Variants in VOPP1 observed in about 807,000 individuals in gnomAD.
The protein encoded by VOPP1 is VOPP1 WW domain binding protein, also known as WW domain binding protein VOPP1.
In VOPP1, 8 loss-of-function variants were observed where a neutral mutation model predicts 23.5. The observed-to-expected ratio is 0.34, with a 90% confidence interval of 0.20 to 0.61. The LOEUF is 0.61. Ranked by LOEUF, VOPP1 falls within the 20% of genes least tolerant of loss-of-function variation. The pLI is 0.78. For synonymous variants in VOPP1, 83 were observed against 97.3 expected, an observed-to-expected ratio of 0.85 and a Z score of 0.86; for missense variants, 174 against 238.1, an observed-to-expected ratio of 0.73 and a Z score of 1.77.
At chr7:55,440,745 C>T (rs1203929622) in intron 4 of VOPP1, among the ~76,000 whole-genome samples, 4 of 152,224 alleles carry the variant, frequency 2.6e-5, no homozygotes, top group Non-Finnish European at 5.9e-5. Context: ...AGACCTGCTG[C>T]CCCCATAGCC....
chr7:55,495,903 C>G (rs142619699), intron 3 of VOPP1, among the ~76,000 whole-genome samples: 1,673 of 152,330 alleles, frequency 0.011, 11 homozygotes, highest in Middle Eastern at 0.02. Flanking sequence ...CTCAGATCTT[C>G]CAACAGCCTG....
chr7:55,455,820 T>C (rs1296684317), intron 4 of VOPP1, among the ~76,000 whole-genome samples: 1 of 152,184 alleles, frequency 6.6e-6, no homozygotes, highest in Non-Finnish European at 1.5e-5. Flanking sequence ...GATTAAATAC[T>C]TAAACGTAAG....
intron 1 of VOPP1, among the ~76,000 whole-genome samples, chr7:55,526,285 G>A (rs1253524294): frequency 2.0e-5 from 3 of 152,244 alleles, no homozygotes; most frequent in Non-Finnish European, 2.9e-5. Flanking sequence ...CTGGACGCCC[G>A]TGGTTCAAGG....
intron 4 of VOPP1, among the ~76,000 whole-genome samples, chr7:55,483,246 C>T (rs979824904): frequency 2.0e-5 from 3 of 152,156 alleles, no homozygotes; most frequent in East Asian, 1.9e-4. Context: ...CCTGACTCAG[C>T]GGCTCTGGGT....
intron 4 of VOPP1, among the ~76,000 whole-genome samples, chr7:55,490,672 A>G (rs1793502126): frequency 6.6e-6 from 1 of 152,198 alleles, no homozygotes; most frequent in Non-Finnish European, 1.5e-5. Flanking sequence ...GGCGGCTTTC[A>G]TCTCTCATTT....
intron 3 of VOPP1, among the ~76,000 whole-genome samples, chr7:55,495,839 C>T (rs530636718): frequency 1.3e-5 from 2 of 152,326 alleles, no homozygotes; most frequent in South Asian, 2.1e-4. Flanking sequence ...AGCTTGGAAC[C>T]CTGTGTCGGA....
At chr7:55,438,222 CTT>C (rs1320936385) in intron 4 of VOPP1, among the ~76,000 whole-genome samples, 4 of 151,968 alleles carry the variant, frequency 2.6e-5, no homozygotes, top group Non-Finnish European at 4.4e-5. Context: ...GTTTTGGTGT[CTT>C]ATCTCTCCGA....
chr7:55,498,391 AG>A (rs1340479514), intron 2 of VOPP1, among the ~76,000 whole-genome samples: 1 of 152,048 alleles, frequency 6.6e-6, no homozygotes, highest in Non-Finnish European at 1.5e-5. Context: ...CACAGCTCTC[AG>A]GGGTGTGCTC....
At chr7:55,469,542 G>A (rs564335597), downstream of VOPP1, among the ~76,000 whole-genome samples, 5 of 152,266 alleles carry the variant, frequency 3.3e-5, no homozygotes, top group South Asian at 2.1e-4. Flanking sequence ...ATTTGTCGGC[G>A]CCCTGCCTGA....
At chr7:55,502,494 T>C (rs991334003) in intron 2 of VOPP1, among the ~76,000 whole-genome samples, 13 of 152,222 alleles carry the variant, frequency 8.5e-5, no homozygotes, top group Admixed American at 1.3e-4. Flanking sequence ...CCGGCTCCCA[T>C]TGTGGATGCT....
At chr7:55,529,779 T>C (rs1796395570) in intron 1 of VOPP1, among the ~76,000 whole-genome samples, 1 of 152,214 alleles carries the variant, frequency 6.6e-6, no homozygotes, top group South Asian at 2.1e-4. Flanking sequence ...CTGATCTGCT[T>C]TCTATCTTTA....
At chr7:55,522,813 C>T (rs1795952431) in intron 1 of VOPP1, among the ~76,000 whole-genome samples, 1 of 152,252 alleles carries the variant, frequency 6.6e-6, no homozygotes, top group Non-Finnish European at 1.5e-5. Flanking sequence ...CAGGCTCTGG[C>T]CTCCATAGCG....
intron 1 of VOPP1, among the ~76,000 whole-genome samples, chr7:55,527,378 C>T (rs563462670): frequency 6.6e-6 from 1 of 152,220 alleles, no homozygotes; most frequent in African/African-American, 2.4e-5. Context: ...AAGAAAATAA[C>T]AGAAATAAAA....
At chr7:55,460,608 G>A (rs1458931255) in intron 4 of VOPP1, among the ~76,000 whole-genome samples, 5 of 152,140 alleles carry the variant, frequency 3.3e-5, no homozygotes, top group Non-Finnish European at 5.9e-5. Context: ...ATCAAGCATT[G>A]TTATAGGTTG....
chr7:55,531,380 C>T (rs946291455), intron 1 of VOPP1, among the ~76,000 whole-genome samples: 2 of 142,520 alleles, frequency 1.4e-5, no homozygotes, highest in Admixed American at 7.3e-5. Flanking sequence ...GAGGGAGTCT[C>T]GCTGTGTCGC....
chr7:55,473,063 A>G lies in VOPP1; in HGVS notation c.329-18T>C, dbSNP rs376652558. On this transcript the variant is annotated intron_variant, in intron 4 of 4. Coordinates refer to ENST00000285279, the MANE Select transcript of VOPP1 (RefSeq NM_030796.5). ...CTGGGCTCCTGAAAGACAGACAAACATAGGTGAGCACAGAAGGGAAAGCCC... is the reference window on the plus strand; with the variant it reads ...CTGGGCTCCTGAAAGACAGACAAACGTAGGTGAGCACAGAAGGGAAAGCCC... The G allele has an allele frequency of 3.8e-6, 6 of 1,592,576 alleles. No individual in the cohort carries two copies. In the African/African-American group the frequency reaches 5.4e-5, roughly 14 times the overall value.
At chr7:55,484,896 C>G (rs1380751358) in intron 4 of VOPP1, among the ~76,000 whole-genome samples, 1 of 152,168 alleles carries the variant, frequency 6.6e-6, no homozygotes, top group Non-Finnish European at 1.5e-5. Context: ...TTTGTGAGGG[C>G]AGCCCCGGGA....
chr7:55,466,213 T>C (rs2129004805), downstream of VOPP1, among the ~76,000 whole-genome samples: 1 of 152,352 alleles, frequency 6.6e-6, no homozygotes, highest in South Asian at 2.1e-4. Flanking sequence ...TTCCTTTGTT[T>C]ATAAACCACC....
Position 55,470,770 on chromosome 7 carries a change from G to A in VOPP1, c.*2085C>T, listed in dbSNP as rs1791765425. ...GACGCTCCGGGAATTCTACACACCA[G>A]GAGCTGTCTCACTCCAGGAAGTGGG... On this transcript the variant is annotated 3_prime_UTR_variant, in exon 5 of 5. Transcript: ENST00000285279. 6.6e-6 allele frequency: 1 copy of A among 152,286 alleles called. No individual in the cohort carries two copies. The highest frequency in any genetic ancestry group is 1.5e-5 in the Non-Finnish European group (1 of 68,034). 9.4% of individuals were successfully genotyped at this position (152,286 alleles called of 1,614,324 possible). A position where few individuals can be genotyped will look rare whatever the true frequency, so the allele number is the denominator to read the frequency against.
Sources: gnomAD v4.1 joint callset for allele counts (sites outside exome capture counted in the v4.1 genomes callset) on GRCh38, gnomAD v4.1.1 for gene constraint, MANE v1.5 for transcripts, NCBI Gene and HGNC (gene_info 2026-07-23, HGNC 2026-07-21) for gene names.